NAV3: variants seen among roughly 807,000 people sequenced by gnomAD.
The protein encoded by NAV3 is neuron navigator 3, also known as pore membrane and/or filament interacting like protein 1.
Under a neutral mutation model 244.7 loss-of-function variants are expected in NAV3, and 87 were observed. That is an observed-to-expected ratio of 0.36 (90% CI 0.30 to 0.42). The LOEUF (loss-of-function observed/expected upper bound fraction) is 0.42, where lower values mean the gene tolerates loss of function less well. Ranked by LOEUF, NAV3 falls within the 20% of genes least tolerant of loss-of-function variation. NAV3 has a pLI of 1.00. For missense variants in NAV3, 2,663 were observed against 2,893.3 expected, an observed-to-expected ratio of 0.92 and a Z score of 1.83; for synonymous variants, 1,126 against 1,042.2, an observed-to-expected ratio of 1.08 and a Z score of -1.55.
chr12:77,899,743 G>A (rs745743696), intron 1 of NAV3, among the ~76,000 whole-genome samples: 8 of 152,042 alleles, frequency 5.3e-5, no homozygotes, highest in Non-Finnish European at 8.8e-5. Flanking sequence ...TTACATGTCC[G>A]GAATTTAAAA....
chr12:77,884,100 T>A (rs1882997644), intron 1 of NAV3, among the ~76,000 whole-genome samples: 1 of 152,104 alleles, frequency 6.6e-6, no homozygotes, highest in East Asian at 1.9e-4. Context: ...TGTTAGTTTA[T>A]TTAATAACTG....
At chr12:77,681,157 A>G (rs1235453507) in intron 2 of NAV3, among the ~76,000 whole-genome samples, 4 of 152,152 alleles carry the variant, frequency 2.6e-5, no homozygotes, top group Admixed American at 2.6e-4. Context: ...ACATCTTTTA[A>G]TTTTGAAAAG....
chr12:77,761,284 C>T (rs1227558885), intron 2 of NAV3, among the ~76,000 whole-genome samples: 1 of 152,090 alleles, frequency 6.6e-6, no homozygotes, highest in Non-Finnish European at 1.5e-5. Flanking sequence ...CTGGTGGCCT[C>T]AAGTGTTCCA....
Position 78,007,089 on chromosome 12 carries a change from G to A in NAV3, c.1551G>A (p.Lys517=), listed in dbSNP as rs1425746526. The A allele has an allele frequency of 6.2e-7, 1 of 1,614,114 alleles. No individual in the cohort carries two copies. The highest frequency in any genetic ancestry group is 1.1e-5 in the South Asian group (1 of 91,084). Residue 517 remains lysine, a synonymous_variant, in exon 8 of 40, where the codon AAG becomes AAA. Transcript: ENST00000397909. ...PKGSKTTAAK[K]ESLIPSSSGI... is the part of the protein sequence containing the mutation. ...GCAGCAAGACAACAGCAGCTAAGAA[G>A]GAAAGCTTAATTCCGTCTTCCAGTG...
intron 2 of NAV3, among the ~76,000 whole-genome samples, chr12:77,802,732 G>A (rs1288395849): frequency 2.6e-5 from 4 of 151,618 alleles, no homozygotes; most frequent in Admixed American, 6.6e-5. Context: ...GCTTGATCTC[G>A]GCTCACTGCA....
chr12:77,908,198 A>G (rs1207696954), intron 1 of NAV3, among the ~76,000 whole-genome samples: 3 of 152,126 alleles, frequency 2.0e-5, no homozygotes, highest in Admixed American at 6.6e-5. Context: ...ACTTATATTC[A>G]AAACTGTTTA....
chr12:77,705,814 A>T (rs150416090), intron 2 of NAV3, among the ~76,000 whole-genome samples: 16 of 151,620 alleles, frequency 1.1e-4, no homozygotes, highest in African/African-American at 3.9e-4. Context: ...CTCTGTTATT[A>T]TTAATGAAAA....
intron 2 of NAV3, among the ~76,000 whole-genome samples, chr12:77,784,572 T>A (rs1449475499): frequency 2.0e-5 from 3 of 152,266 alleles, no homozygotes; most frequent in Admixed American, 2.0e-4. Flanking sequence ...GACACTTCAC[T>A]GGCTTGGACA....
chr12:78,148,798 A>G, intron 21 of NAV3, 44 bp from the exon 22 acceptor site: 2 of 1,557,924 alleles, frequency 1.3e-6, no homozygotes, highest in South Asian at 2.3e-5. Flanking sequence ...GTTTTAAGTA[A>G]AAATCTACTT....
chr12:77,802,675 C>CT (rs1008596060), intron 2 of NAV3, among the ~76,000 whole-genome samples: 27 of 150,902 alleles, frequency 1.8e-4, no homozygotes, highest in Admixed American at 3.3e-4. Flanking sequence ...AGCTTTTTTT[C>CT]TTTTTTTTTG....
At chr12:77,655,089 A>G (rs867994562) in intron 2 of NAV3, among the ~76,000 whole-genome samples, 4 of 152,250 alleles carry the variant, frequency 2.6e-5, no homozygotes, top group African/African-American at 7.2e-5. Context: ...CTCACCAGCA[A>G]TGGAACAAAG....
intron 23 of NAV3, among the ~76,000 whole-genome samples, chr12:78,168,090 C>A (rs973688080): frequency 6.6e-6 from 1 of 151,550 alleles, no homozygotes; most frequent in Non-Finnish European, 1.5e-5. Flanking sequence ...TTGTATAATA[C>A]ATATATTTTA....
chr12:77,790,852 G>T (rs1194698748), intron 2 of NAV3, among the ~76,000 whole-genome samples: 1 of 152,058 alleles, frequency 6.6e-6, no homozygotes. Flanking sequence ...CTTCACTCAG[G>T]GCGACCTTTG....
intron 12 of NAV3, among the ~76,000 whole-genome samples, chr12:78,106,645 C>G (rs947995491): frequency 1.3e-5 from 2 of 152,192 alleles, no homozygotes; most frequent in Non-Finnish European, 2.9e-5. Flanking sequence ...TACTTCACTA[C>G]TGCCTCTTCT....
At chr12:78,104,834 A>G (rs1470931177) in intron 12 of NAV3, among the ~76,000 whole-genome samples, 1 of 152,194 alleles carries the variant, frequency 6.6e-6, no homozygotes. Context: ...AAATAAAACC[A>G]TACCTTATGT....
At chr12:77,951,288 A>G (rs1217585470) in intron 3 of NAV3, among the ~76,000 whole-genome samples, 2 of 152,232 alleles carry the variant, frequency 1.3e-5, no homozygotes, top group Non-Finnish European at 2.9e-5. Context: ...TCAAAAGAAG[A>G]TATTTATGCA....
chr12:77,869,610 C>T (rs1331293647), intron 1 of NAV3, among the ~76,000 whole-genome samples: 1 of 152,128 alleles, frequency 6.6e-6, no homozygotes, highest in Non-Finnish European at 1.5e-5. Context: ...ACTTCCAGAC[C>T]TCAGTTCAAG....
At chr12:77,824,918 CAA>C (rs1872911194) in intron 2 of NAV3, among the ~76,000 whole-genome samples, 1 of 142,460 alleles carries the variant, frequency 7.0e-6, no homozygotes, top group Non-Finnish European at 1.6e-5. Flanking sequence ...ACAACAACAA[CAA>C]CAACAAAGAA....
intron 34 of NAV3, among the ~76,000 whole-genome samples, chr12:78,190,776 C>T (rs1171817021): frequency 6.6e-6 from 1 of 152,078 alleles, no homozygotes; most frequent in South Asian, 2.1e-4. Context: ...TCACCACCAT[C>T]TACGGTCTAA....
Sources: gnomAD v4.1 joint callset for allele counts (sites outside exome capture counted in the v4.1 genomes callset) on GRCh38, gnomAD v4.1.1 for gene constraint, MANE v1.5 for transcripts, NCBI Gene and HGNC (gene_info 2026-07-23, HGNC 2026-07-21) for gene names.